KDM4A: variants seen among roughly 807,000 people sequenced by gnomAD.
KDM4A encodes lysine-specific demethylase 4A.
Under a neutral mutation model 127.1 loss-of-function variants are expected in KDM4A, and 23 were observed. The ratio of observed to expected loss-of-function variants is 0.18; its 90% CI spans 0.13 to 0.26. KDM4A has a LOEUF of 0.26. KDM4A is among the 10% of genes least tolerant of loss of function. KDM4A has a pLI of 1.00. For missense variants in KDM4A, 890 were observed against 1,329.1 expected, an observed-to-expected ratio of 0.67 and a Z score of 5.14; for synonymous variants, 443 against 466.5, an observed-to-expected ratio of 0.95 and a Z score of 0.65.
intron 11 of KDM4A, among the ~76,000 whole-genome samples, chr1:43,677,932 T>C (rs1391891028): frequency 1.3e-5 from 2 of 152,074 alleles, no homozygotes; most frequent in African/African-American, 4.8e-5. Context: ...AGAGAGGTAG[T>C]GAGGACCTGT....
chr1:43,679,391 A>G (rs1231855990), intron 11 of KDM4A, among the ~76,000 whole-genome samples: 1 of 152,174 alleles, frequency 6.6e-6, no homozygotes, highest in Non-Finnish European at 1.5e-5. Context: ...ACTGGGAGGA[A>G]TAAGGGACAG....
Position 43,691,508 on chromosome 1 carries a change from T to TC in KDM4A, c.2261dup (p.Ala755CysfsTer5), listed in dbSNP as rs1484836116. 2 of 1,613,408 alleles carry TC rather than the reference T, an allele frequency of 1.2e-6. No individual in the cohort carries two copies. The highest frequency in any genetic ancestry group is 1.7e-6 in the Non-Finnish European group (2 of 1,179,852). On this transcript the variant is annotated frameshift_variant, in exon 15 of 22. Coordinates refer to ENST00000372396, the MANE Select transcript of KDM4A (RefSeq NM_014663.3). LOFTEE classifies it high-confidence loss of function. ...GTGTCCCTGTTAGGTTGCTATGGGG[T>TC]CCCCCCTGCAAAGGCTTCTGAAGAC...
intron 18 of KDM4A, 143 bp downstream of exon 18, chr1:43,695,037 T>A (rs190738671): frequency 2.4e-6 from 2 of 821,760 alleles, no homozygotes; most frequent in East Asian, 2.7e-5. Context: ...GATTGAGAGG[T>A]GGCCCCTGTC....
At chr1:43,676,049 C>CCAGTCTGG (rs1660733414) in intron 11 of KDM4A, among the ~76,000 whole-genome samples, 1 of 149,276 alleles carries the variant, frequency 6.7e-6, no homozygotes, top group Non-Finnish European at 1.5e-5. Flanking sequence ...CCACTGCACT[C>CCAGTCTGG]CAGTCTGGGC....
At chr1:43,663,473 A>C (rs1196319871) in intron 5 of KDM4A, among the ~76,000 whole-genome samples, 1 of 152,106 alleles carries the variant, frequency 6.6e-6, no homozygotes, top group Non-Finnish European at 1.5e-5. Flanking sequence ...AAAAATACTA[A>C]TACTTGGGGA....
intron 11 of KDM4A, among the ~76,000 whole-genome samples, chr1:43,673,517 G>T (rs1660673747): frequency 6.6e-6 from 1 of 151,760 alleles, no homozygotes; most frequent in South Asian, 2.1e-4. Flanking sequence ...TTGTCTCCTT[G>T]TTGTTGATAC....
chr1:43,658,960 T>G (rs2154046565), intron 3 of KDM4A, among the ~76,000 whole-genome samples: 1 of 149,070 alleles, frequency 6.7e-6, no homozygotes, highest in Non-Finnish European at 1.5e-5. Context: ...TAAAAGAAGT[T>G]TTTTTTTTTT....
At chr1:43,673,077 AC>A (rs1389410882) in intron 11 of KDM4A, among the ~76,000 whole-genome samples, 1 of 151,922 alleles carries the variant, frequency 6.6e-6, no homozygotes, top group African/African-American at 2.4e-5. Context: ...ACATGTTGTC[AC>A]CAAAAGCTGA....
chr1:43,683,917 G>C (rs1382000498), intron 12 of KDM4A, 113 bp downstream of exon 12: 1 of 1,163,566 alleles, frequency 8.6e-7, no homozygotes, highest in African/African-American at 1.6e-5. Context: ...TGGCTTAGCT[G>C]CTCTTCCAGA....
chr1:43,657,844 A>G (rs1240196565), intron 3 of KDM4A, among the ~76,000 whole-genome samples: 1 of 135,734 alleles, frequency 7.4e-6, no homozygotes, highest in African/African-American at 2.8e-5. Context: ...TCCGCCTCCC[A>G]GGTTCAAGTG....
intron 11 of KDM4A, among the ~76,000 whole-genome samples, chr1:43,672,420 C>T (rs1660641661): frequency 6.6e-6 from 1 of 152,070 alleles, no homozygotes; most frequent in African/African-American, 2.4e-5. Flanking sequence ...AACTCCTGAC[C>T]TCGTGATCTG....
rs1016868027 is a variant in KDM4A, at chr1:43,696,378, T to C, written c.2671-1465T>C. On this transcript the variant is annotated intron_variant, in intron 18 of 21. Coordinates refer to ENST00000372396, the MANE Select transcript of KDM4A (RefSeq NM_014663.3). ...ACAAGTTTGACAACAGTGTGGTAAATACATAATCAAAGGAAGAACGTGATA... is the reference window on the plus strand; with the variant it reads ...ACAAGTTTGACAACAGTGTGGTAAACACATAATCAAAGGAAGAACGTGATA... Among the ~76,000 whole-genome samples, 5 of 152,288 alleles carry C rather than the reference T, an allele frequency of 3.3e-5. No individual in the cohort carries two copies. In the South Asian group the frequency reaches 8.3e-4, roughly 25 times the overall value.
intron 11 of KDM4A, among the ~76,000 whole-genome samples, chr1:43,677,346 A>G (rs1473908784): frequency 9.1e-6 from 1 of 109,608 alleles, no homozygotes; most frequent in Non-Finnish European, 1.8e-5. Context: ...CTCCATCTCA[A>G]AAAAAAAAAA....
chr1:43,672,201 T>C (rs1170220998), intron 11 of KDM4A, among the ~76,000 whole-genome samples: 4 of 152,194 alleles, frequency 2.6e-5, no homozygotes, highest in Non-Finnish European at 4.4e-5. Context: ...CTTTTTTTTT[T>C]TTCTTGAGAT....
intron 11 of KDM4A, among the ~76,000 whole-genome samples, chr1:43,677,498 T>C (rs74326633): frequency 2.6e-5 from 4 of 152,300 alleles, no homozygotes; most frequent in Admixed American, 6.5e-5. Context: ...TTACAGTTGA[T>C]TGGTTTGTAT....
chr1:43,690,630 C>A, intron 13 of KDM4A: 3 of 595,826 alleles, frequency 5.0e-6, no homozygotes, highest in South Asian at 2.0e-5. Flanking sequence ...TCTCAGTTGT[C>A]CCCTAGGGGC....
intron 8 of KDM4A, 139 bp from the exon 9 acceptor site, chr1:43,667,633 C>T: frequency 9.0e-7 from 1 of 1,109,334 alleles, no homozygotes; most frequent in Admixed American, 2.1e-5. Context: ...GATAACATGC[C>T]CTCAGCCTGT....
rs146986190 is a variant in KDM4A, at chr1:43,695,801, C to T, written c.2670+907C>T. Among the ~76,000 whole-genome samples the T allele has an allele frequency of 8.3e-3, 1,262 of 152,062 alleles. 13 individuals carry two copies. The highest frequency in any genetic ancestry group is 0.029 in the African/African-American group (1,200 of 41,448). On this transcript the variant is annotated intron_variant, in intron 18 of 21. Coordinates refer to ENST00000372396, the MANE Select transcript of KDM4A (RefSeq NM_014663.3). ...CTTTGAGATCCTCCAACAGGTAGAA[C>T]TGATAGGGTTTATTGACCCTCGTGG...
At chr1:43,665,805 G>A (rs1234043857) in intron 6 of KDM4A, 60 bp downstream of exon 6, 7 of 1,558,460 alleles carry the variant, frequency 4.5e-6, no homozygotes, top group African/African-American at 4.1e-5. Context: ...TCCTTGCTCT[G>A]CACTAAAATG....
Sources: allele counts gnomAD v4.1 joint callset (sites outside exome capture counted in the v4.1 genomes callset), GRCh38; gene constraint gnomAD v4.1.1; transcripts MANE v1.5; gene names NCBI Gene and HGNC (gene_info 2026-07-23, HGNC 2026-07-21).